ABCA13: variants seen among roughly 807,000 people sequenced by gnomAD.
The protein encoded by ABCA13 is ATP binding cassette subfamily A member 13, also known as ATP-binding cassette sub-family A member 13.
In ABCA13, 476 loss-of-function variants were observed where a neutral mutation model predicts 478.7. The observed-to-expected ratio is 0.99, with a 90% CI of 0.92 to 1.07. ABCA13 has a LOEUF of 1.07. Among genes scored for constraint, ABCA13 ranks in the 50% least tolerant of loss-of-function variants. The pLI is 0.00. For missense variants in ABCA13, 6,060 were observed against 5,910.6 expected (o/e 1.03, Z -0.83); for synonymous variants, 2,252 against 2,158.9 (o/e 1.04, Z -1.20).
At chr7:48,365,560 TA>T (rs1258704935) in intron 31 of ABCA13, among the ~76,000 whole-genome samples, 1 of 152,214 alleles carries the variant, frequency 6.6e-6, no homozygotes, top group African/African-American at 2.4e-5. Flanking sequence ...GCTTTACATT[TA>T]AGTCTTTAAT....
intron 59 of ABCA13, among the ~76,000 whole-genome samples, chr7:48,617,418 G>A (rs566360890): frequency 6.6e-6 from 1 of 152,328 alleles, no homozygotes; most frequent in Non-Finnish European, 1.5e-5. Flanking sequence ...TTGGAGGGAA[G>A]ATTATGGCTG....
chr7:48,417,580 A>G (rs1426064891), intron 41 of ABCA13, among the ~76,000 whole-genome samples: 1 of 152,172 alleles, frequency 6.6e-6, no homozygotes, highest in Non-Finnish European at 1.5e-5. Context: ...AGAATGCACA[A>G]ATTGTGCATT....
intron 34 of ABCA13, 43 bp from the exon 35 acceptor site, chr7:48,376,398 A>G (rs968641576): frequency 1.9e-6 from 3 of 1,588,646 alleles, no homozygotes; most frequent in Non-Finnish European, 1.7e-6. Context: ...CTACCATAAA[A>G]GAGCTTGTGC....
At chr7:48,574,013 C>T (rs767175168) in intron 55 of ABCA13, among the ~76,000 whole-genome samples, 3 of 151,980 alleles carry the variant, frequency 2.0e-5, no homozygotes, top group Non-Finnish European at 4.4e-5. Flanking sequence ...TTAAAGCCCA[C>T]CATAGTAGCC....
In ABCA13 at chr7:48,368,702, T is replaced by TATATAC. The variant is rs1274321621; in HGVS notation, c.10803+799_10803+800insCATATA. Among the ~76,000 whole-genome samples, 17 of 141,126 alleles carry TATATAC rather than the reference T, an allele frequency of 1.2e-4. No individual in the cohort carries two copies. In the East Asian group the frequency reaches 2.4e-3, roughly 20 times the overall value. The allele number at this position is 141,126 out of a possible 152,430, so 92.6% of individuals were successfully genotyped here. The stretch of plus-strand genomic sequence containing the variant: ...GTGTGTATGTGTATATATATATATA[T>TATATAC]ATATATATATATACACATACACACA... On this transcript the variant is annotated intron_variant, in intron 32 of 61. Coordinates refer to ENST00000435803, the MANE Select transcript of ABCA13 (RefSeq NM_152701.5).
intron 3 of ABCA13, among the ~76,000 whole-genome samples, chr7:48,215,713 G>C (rs944106413): frequency 1.3e-5 from 2 of 152,114 alleles, no homozygotes; most frequent in Non-Finnish European, 2.9e-5. Context: ...TCCCCAACCT[G>C]ACAAGAAAAT....
Position 48,614,568 on chromosome 7 carries a change from A to G in ABCA13, c.14745-717A>G, listed in dbSNP as rs945168275. 1.1e-4 allele frequency among the ~76,000 whole-genome samples: 17 copies of G among 151,178 alleles called. No homozygotes were observed. In the East Asian group the frequency reaches 2.1e-3, roughly 19 times the overall value. On this transcript the variant is annotated intron_variant, in intron 58 of 61. Coordinates refer to ENST00000435803, the MANE Select transcript of ABCA13 (RefSeq NM_152701.5). ...CCAAAGGACTATAAATCATGCTGCT[A>G]TAAAGACACATGCACACGTATGTTT...
intron 4 of ABCA13, 52 bp from the exon 5 acceptor site, chr7:48,221,229 T>C (rs1018527751): frequency 3.2e-6 from 3 of 942,092 alleles, no homozygotes; most frequent in African/African-American, 1.6e-5. Flanking sequence ...ATTTAGCATG[T>C]GCTTTTTCAT....
intron 57 of ABCA13, 113 bp downstream of exon 57, chr7:48,587,401 T>C: frequency 8.2e-7 from 1 of 1,220,182 alleles, no homozygotes. Context: ...AAGCTGGTTC[T>C]ACAAACTAGT....
At chr7:48,508,606 A>T (rs1831416862) in intron 50 of ABCA13, among the ~76,000 whole-genome samples, 3 of 152,200 alleles carry the variant, frequency 2.0e-5, no homozygotes, top group African/African-American at 7.2e-5. Context: ...AAAGCATCTT[A>T]TATGATAAGT....
chr7:48,536,301 G>A (rs1833577137), intron 55 of ABCA13, among the ~76,000 whole-genome samples: 1 of 152,074 alleles, frequency 6.6e-6, no homozygotes, highest in Non-Finnish European at 1.5e-5. Context: ...ATCTAATGTA[G>A]ACATTATTTT....
Position 48,279,785 on chromosome 7 carries a change from AAAAAG to A in ABCA13, c.8594_8598del (p.Lys2865ArgfsTer9). On this transcript the variant is annotated frameshift_variant, in exon 18 of 62. Coordinates refer to ENST00000435803, the MANE Select transcript of ABCA13 (RefSeq NM_152701.5). LOFTEE classifies it high-confidence loss of function. ...ACCACCGGAAAGAATGTCACATCAG[AAAAAG>A]AAGAGAGAACCAAGAAAGAGATGAT... 3.1e-6 allele frequency: 5 copies of A among 1,606,158 alleles called. No homozygotes were observed. Among genetic ancestry groups the A allele is most frequent in the Non-Finnish European group, 4.2e-6 (5 of 1,177,992 alleles).
intron 42 of ABCA13, among the ~76,000 whole-genome samples, chr7:48,450,414 C>T (rs1824846635): frequency 6.6e-6 from 1 of 152,128 alleles, no homozygotes. Flanking sequence ...CATAATCTCA[C>T]CACAAGAATA....
At chr7:48,394,529 A>G (rs1049951314) in intron 38 of ABCA13, among the ~76,000 whole-genome samples, 3 of 151,962 alleles carry the variant, frequency 2.0e-5, no homozygotes, top group African/African-American at 7.3e-5. Flanking sequence ...TCTGGCTCTT[A>G]TTTACGACAT....
intron 10 of ABCA13, among the ~76,000 whole-genome samples, chr7:48,243,964 T>G (rs1012314482): frequency 1.3e-5 from 2 of 152,236 alleles, no homozygotes; most frequent in African/African-American, 4.8e-5. Context: ...TGCTTCTCCC[T>G]CTCCCGTATT....
chr7:48,515,403 C>T (rs140469559), intron 51 of ABCA13, among the ~76,000 whole-genome samples: 1 of 152,248 alleles, frequency 6.6e-6, no homozygotes, highest in African/African-American at 2.4e-5. Context: ...ATGAGTGAAA[C>T]CTGGCTCTAG....
intron 41 of ABCA13, among the ~76,000 whole-genome samples, chr7:48,426,163 A>G (rs1323678738): frequency 6.6e-6 from 1 of 152,158 alleles, no homozygotes; most frequent in Non-Finnish European, 1.5e-5. Flanking sequence ...TCTTATTATT[A>G]TTTGCAATAG....
chr7:48,359,238 T>G (rs1810440132), intron 31 of ABCA13, among the ~76,000 whole-genome samples: 1 of 151,900 alleles, frequency 6.6e-6, no homozygotes, highest in African/African-American at 2.4e-5. Flanking sequence ...ACTCCATTCT[T>G]GGGCAGCTTC....
intron 58 of ABCA13, among the ~76,000 whole-genome samples, chr7:48,614,857 A>G (rs1156605630): frequency 1.2e-3 from 152 of 124,962 alleles, no homozygotes; most frequent in African/African-American, 4.3e-3. Flanking sequence ...GACACAGGAA[A>G]GGGAACATCA....
Sources: allele counts gnomAD v4.1 joint callset (sites outside exome capture counted in the v4.1 genomes callset), GRCh38; gene constraint gnomAD v4.1.1; transcripts MANE v1.5; gene names NCBI Gene and HGNC (gene_info 2026-07-23, HGNC 2026-07-21).